The following ROR1 variants were observed in gnomAD, a reference collection of about 807,000 sequenced individuals.
The protein encoded by ROR1 is ROR family WNT receptor 1.
A neutral mutation model predicts 78.8 loss-of-function variants in ROR1; 19 were observed. The observed-to-expected ratio is 0.24, with a 90% CI of 0.17 to 0.35. The LOEUF (loss-of-function observed/expected upper bound fraction) is 0.35. Ranked by LOEUF, ROR1 falls within the 10% of genes least tolerant of loss-of-function variation. ROR1 has a pLI of 1.00. For synonymous variants in ROR1, 386 were observed against 433.6 expected (o/e 0.89, Z 1.36); for missense variants, 917 against 1,177.8 (o/e 0.78, Z 3.24).
At chr1:64,140,746 A>G (rs886409055) in intron 6 of ROR1, among the ~76,000 whole-genome samples, 1 of 152,254 alleles carries the variant, frequency 6.6e-6, no homozygotes, top group African/African-American at 2.4e-5. Flanking sequence ...AACTCATATG[A>G]GAATGTTTAT....
rs539498462 is a variant in ROR1 at position 64,071,916 on chromosome 1, G to A, written c.482+21200G>A. On this transcript the variant is annotated intron_variant, in intron 4 of 8. Transcript: ENST00000371079. ...GTTCTCTCCTCTCTCTCAGTTGCCA[G>A]AGCTCAGCCTGAAAGGGATTCCCTT... Among the ~76,000 whole-genome samples the A allele has an allele frequency of 4.6e-5, 7 of 152,298 alleles. No homozygotes were observed. In the South Asian group the frequency reaches 1.2e-3, roughly 27 times the overall value.
chr1:64,157,509 A>C (rs935960492), intron 7 of ROR1, among the ~76,000 whole-genome samples: 1 of 152,126 alleles, frequency 6.6e-6, no homozygotes, highest in South Asian at 2.1e-4. Flanking sequence ...CTGAGGGCTA[A>C]CTCACAGGGC....
intron 1 of ROR1, among the ~76,000 whole-genome samples, chr1:63,794,897 AG>A (rs1208949064): frequency 6.6e-6 from 1 of 152,166 alleles, no homozygotes; most frequent in East Asian, 1.9e-4. Flanking sequence ...AACTGGTGAT[AG>A]TGGTGGGGTG....
At chr1:64,028,556 A>G (rs1260293379) in intron 2 of ROR1, among the ~76,000 whole-genome samples, 1 of 152,180 alleles carries the variant, frequency 6.6e-6, no homozygotes, top group Non-Finnish European at 1.5e-5. Flanking sequence ...TTTCTCATTC[A>G]CAATTAGATT....
chr1:63,843,005 C>G (rs1207295298), intron 1 of ROR1, among the ~76,000 whole-genome samples: 3 of 152,012 alleles, frequency 2.0e-5, no homozygotes, highest in Non-Finnish European at 1.5e-5. Flanking sequence ...CCAGAACCGT[C>G]AGGGATGGAG....
chr1:64,121,151 CCTCT>C (rs1488167657), intron 4 of ROR1, among the ~76,000 whole-genome samples: 1 of 139,290 alleles, frequency 7.2e-6, no homozygotes, highest in African/African-American at 2.8e-5. Context: ...CTTCCTGTCT[CCTCT>C]CTTTCTTTCC....
intron 1 of ROR1, among the ~76,000 whole-genome samples, chr1:63,857,874 G>A (rs190498372): frequency 2.0e-5 from 3 of 152,328 alleles, no homozygotes; most frequent in Non-Finnish European, 2.9e-5. Context: ...CAGTTGGCAT[G>A]ATGGAAATGG....
chr1:64,035,082 T>A (rs1442571386), intron 2 of ROR1, among the ~76,000 whole-genome samples: 1 of 152,184 alleles, frequency 6.6e-6, no homozygotes, highest in East Asian at 1.9e-4. Context: ...TCAAATCACA[T>A]CTTTTGGTAA....
intron 2 of ROR1, among the ~76,000 whole-genome samples, chr1:64,026,835 TG>T (rs1170367628): frequency 5.3e-5 from 8 of 152,174 alleles, no homozygotes; most frequent in African/African-American, 1.9e-4. Context: ...CACCTGCCAC[TG>T]GGTCCCTCCC....
At chr1:64,083,647 G>C (rs1647124277) in intron 4 of ROR1, among the ~76,000 whole-genome samples, 1 of 151,290 alleles carries the variant, frequency 6.6e-6, no homozygotes, top group Admixed American at 6.6e-5. Flanking sequence ...GCAGTGGGAA[G>C]AGAAAAGCTA....
At chr1:64,001,656 C>T (rs1646384053) in intron 1 of ROR1, among the ~76,000 whole-genome samples, 1 of 152,094 alleles carries the variant, frequency 6.6e-6, no homozygotes, top group African/African-American at 2.4e-5. Context: ...TTCAAGAGTC[C>T]TAGCAGCTTC....
chr1:63,942,371 A>G (rs1645847790), intron 1 of ROR1, among the ~76,000 whole-genome samples: 1 of 152,088 alleles, frequency 6.6e-6, no homozygotes, highest in East Asian at 1.9e-4. Context: ...CTTGTGTATA[A>G]TGTTAATACT....
At chr1:63,957,384 C>CTCTTCATCTTTCTGGATCTTTCTGGA in intron 1 of ROR1, among the ~76,000 whole-genome samples, 1 of 152,214 alleles carries the variant, frequency 6.6e-6, no homozygotes, top group Non-Finnish European at 1.5e-5. Context: ...AACTCTGACC[C>CTCTTCATCTTTCTGGATCTTTCTGGA]TCTTCATCTT....
intron 4 of ROR1, among the ~76,000 whole-genome samples, chr1:64,077,585 CAA>C (rs1647061545): frequency 6.6e-6 from 1 of 152,214 alleles, no homozygotes; most frequent in African/African-American, 2.4e-5. Context: ...CAGCTGAACT[CAA>C]AGAGGCTGGC....
At chr1:64,155,216 G>T (rs1445784535) in intron 7 of ROR1, among the ~76,000 whole-genome samples, 2 of 152,106 alleles carry the variant, frequency 1.3e-5, no homozygotes, top group Non-Finnish European at 1.5e-5. Flanking sequence ...GAATACAAAT[G>T]CTCGGACTTC....
intron 4 of ROR1, among the ~76,000 whole-genome samples, chr1:64,109,761 C>T (rs1403298053): frequency 6.6e-6 from 1 of 152,098 alleles, no homozygotes; most frequent in Non-Finnish European, 1.5e-5. Flanking sequence ...AACTCGTGGG[C>T]TCAAGCAGTC....
intron 8 of ROR1, among the ~76,000 whole-genome samples, chr1:64,176,114 C>T (rs531518330): frequency 2.0e-3 from 306 of 152,190 alleles, no homozygotes; most frequent in Non-Finnish European, 3.4e-3. Flanking sequence ...CATTTACTTG[C>T]CAAGATCAAA....
chr1:63,878,253 C>T (rs964591993), intron 1 of ROR1, among the ~76,000 whole-genome samples: 4 of 152,146 alleles, frequency 2.6e-5, no homozygotes, highest in Admixed American at 2.6e-4. Context: ...ATGTGGAATG[C>T]TTGTGAATGC....
intron 1 of ROR1, among the ~76,000 whole-genome samples, chr1:63,886,470 A>G (rs1180301400): frequency 6.6e-6 from 1 of 152,156 alleles, no homozygotes; most frequent in Non-Finnish European, 1.5e-5. Flanking sequence ...GCTACTTGCC[A>G]GGGATCCGGG....
Sources: gnomAD v4.1 joint callset for allele counts (sites outside exome capture counted in the v4.1 genomes callset) on GRCh38, gnomAD v4.1.1 for gene constraint, MANE v1.5 for transcripts, NCBI Gene and HGNC (gene_info 2026-07-23, HGNC 2026-07-21) for gene names.